The following CIDEB variants were observed in gnomAD, a reference collection of about 807,000 sequenced individuals.
The protein encoded by CIDEB is cell death inducing DFFA like effector b.
A neutral mutation model predicts 22.4 loss-of-function variants in CIDEB; 27 were observed. The ratio of observed to expected loss-of-function variants is 1.21; its 90% CI spans 0.89 to 1.66. The LOEUF is 1.66. Among genes scored for constraint, CIDEB ranks in the 40% most tolerant of loss-of-function variants. The pLI is 0.00. For missense variants in CIDEB, 289 were observed against 268.7 expected, an observed-to-expected ratio of 1.08 and a Z score of -0.53; for synonymous variants, 103 against 109.5, an observed-to-expected ratio of 0.94 and a Z score of 0.37.
At position 24,305,322 on chromosome 14, in the gene CIDEB, G is replaced by T; in HGVS notation, c.*311C>A. ...GGGGAGTTTAGGGACAGGAGGCATT[G>T]GTAGGGGATTAGATGTAGCAGCAGT... On this transcript the variant is annotated 3_prime_UTR_variant, in exon 5 of 5. Transcript: ENST00000554411. The T allele has an allele frequency of 1.8e-6, 1 of 560,322 alleles. No individual in the cohort carries two copies. The allele number at this position is 560,322 out of a possible 1,614,324, so 34.7% of individuals were successfully genotyped here.
chr14:24,305,663 C>T lies in CIDEB; in HGVS notation c.630G>A (p.Trp210Ter). Residue 210 changes from tryptophan (W) to a stop codon, truncating the protein, a stop_gained, in exon 5 of 5, where the codon TGG becomes TGA. Coordinates refer to ENST00000554411, the MANE Select transcript of CIDEB (RefSeq NM_001393339.1). LOFTEE classifies it high-confidence loss of function. ...AGGAATGGAGGCGGCCCTTCTGCTG[C>T]CACTGCTCAGCCCCCTCCACTGCAT... ...LRHAVEGAEQ[W>*]QQKGRLHSY 6.2e-7 allele frequency: 1 copy of T among 1,614,068 alleles called. No homozygotes were observed. The highest frequency in any genetic ancestry group is 8.5e-7 in the Non-Finnish European group (1 of 1,179,986).
upstream of CIDEB, chr14:24,310,709 C>T (rs775233136): frequency 3.7e-6 from 6 of 1,613,090 alleles, no homozygotes; most frequent in Non-Finnish European, 5.1e-6. Context: ...CACTGCTGAG[C>T]TGGAAGACTT....
chr14:24,307,262 A>T, intron 2 of CIDEB, 109 bp downstream of exon 2: 2 of 1,219,032 alleles, frequency 1.6e-6, no homozygotes, highest in South Asian at 2.9e-5. Context: ...CCTCAGAGGG[A>T]GGGGCAGCTG....
chr14:24,306,311 G>A (rs2041504998), intron 3 of CIDEB, 63 bp downstream of exon 3: 4 of 1,604,502 alleles, frequency 2.5e-6, no homozygotes, highest in African/African-American at 2.7e-5. Flanking sequence ...TTAAGCTAGA[G>A]AGGAAGCCCG....
At position 24,307,914 on chromosome 14, in the gene CIDEB, G is replaced by T. The variant is rs138916669; in HGVS notation, c.-56C>A. ...TCTGGGCTGGGTGGTTCTCTCCTGT[G>T]CTGGGGCTTTAGTGGTGTTTTCTGT... On this transcript the variant is annotated 5_prime_UTR_variant, in exon 1 of 5. Transcript: ENST00000554411. 6.8e-7 allele frequency: 1 copy of T among 1,476,482 alleles called. No individual in the cohort carries two copies. The highest frequency in any genetic ancestry group is 9.3e-7 in the Non-Finnish European group (1 of 1,076,384). 91.5% of individuals were successfully genotyped at this position (1,476,482 alleles called of 1,614,324 possible).
At chr14:24,311,023 G>C (rs2041679955), upstream of CIDEB, 1 of 1,583,754 alleles carries the variant, frequency 6.3e-7, no homozygotes, top group Non-Finnish European at 8.5e-7. Context: ...CTGCAGCGCT[G>C]CCTCGCAGTC....
upstream of CIDEB, chr14:24,310,651 G>A (rs2041662506): frequency 6.2e-7 from 1 of 1,614,094 alleles, no homozygotes; most frequent in Non-Finnish European, 8.5e-7. Context: ...CCACCCACCT[G>A]TAGGCCCAGA....
upstream of CIDEB, chr14:24,308,329 G>C (rs1288555807): frequency 1.4e-4 from 31 of 223,004 alleles, no homozygotes. Context: ...ACCCGGGGCA[G>C]AGTGTGGGGA....
Position 24,306,051 on chromosome 14 carries a change from T to G in CIDEB, c.423A>C (p.Gln141His). 1 of 1,614,166 alleles carries G rather than the reference T, an allele frequency of 6.2e-7. No individual in the cohort carries two copies. Among genetic ancestry groups the G allele is most frequent in the Non-Finnish European group, 8.5e-7 (1 of 1,180,018 alleles). The change falls in exon 4 of 5, where the codon CAA (glutamine) becomes CAC (histidine). Residue 141 changes from glutamine (Q) to histidine (H), a missense_variant. Coordinates refer to ENST00000554411, the MANE Select transcript of CIDEB (RefSeq NM_001393339.1). ...IARFTFDVYK[Q>H]NPRDLFGSLN... ...GGCTGCCAAAGAGGTCTCGAGGGTTTTGCTTGTACACGTCAAAGGTGAATC... is the reference window on the plus strand; with the variant it reads ...GGCTGCCAAAGAGGTCTCGAGGGTTGTGCTTGTACACGTCAAAGGTGAATC...
chr14:24,307,272 G>A (rs1594628617), intron 2 of CIDEB, 99 bp downstream of exon 2: 1 of 1,319,562 alleles, frequency 7.6e-7, no homozygotes, highest in Non-Finnish European at 1.1e-6. Flanking sequence ...AGGGGCAGCT[G>A]TGTGACTTCA....
chr14:24,306,522 G>A lies in CIDEB; in HGVS notation c.188C>T (p.Ala63Val). 8 of 1,614,224 alleles carry A rather than the reference G, an allele frequency of 5.0e-6. No homozygotes were observed. In the Middle Eastern group the frequency reaches 1.3e-3, roughly 266 times the overall value. ...AATRQELLAK[A>V]LETLLLNGVL... ...TCCATTCAGCAGTAGGGTCTCCAAT[G>A]CCTGCCCAATGGCAAGAAGCAAGAA... The change falls in exon 3 of 5, where the codon GCA becomes GTA. Residue 63 changes from alanine to valine, a missense_variant and splice_region_variant. Transcript: ENST00000554411.
Position 24,307,474 on chromosome 14 carries a change from C to G in CIDEB, c.83G>C (p.Trp28Ser). 6.2e-7 allele frequency: 1 copy of G among 1,614,130 alleles called. No homozygotes were observed. Among genetic ancestry groups the G allele is most frequent in the Non-Finnish European group, 8.5e-7 (1 of 1,180,016 alleles). Residue 28 changes from tryptophan to serine, a missense_variant, in exon 2 of 5, where the codon TGG (tryptophan) becomes TCG (serine). Trp to Ser is a radical substitution (Grantham distance 177). Transcript: ENST00000554411. ...NISSEFGRRVWTSAPPPQRPF... is the reference protein window; with the variant it reads ...NISSEFGRRVSTSAPPPQRPF... ...TCGCTGGGGTGGTGGAGCTGAGGTC[C>G]AGACCCTCCGTCCAAACTCCGAGCT...
upstream of CIDEB, chr14:24,311,244 T>C (rs1251093683): frequency 1.2e-6 from 2 of 1,607,676 alleles, no homozygotes; most frequent in Non-Finnish European, 1.7e-6. Context: ...CGTGCTTCCT[T>C]TCGGGCTGAT....
At chr14:24,306,848 C>T in intron 2 of CIDEB, 1 of 390,932 alleles carries the variant, frequency 2.6e-6, no homozygotes. Flanking sequence ...CAATGCTGCA[C>T]CTCACTTCCC....
chr14:24,311,375 G>A (rs1443337695), upstream of CIDEB: 5 of 1,603,678 alleles, frequency 3.1e-6, no homozygotes, highest in African/African-American at 1.3e-5. Context: ...GCTTGCTCTG[G>A]GCCCCCTACC....
rs2041496347 is a variant in CIDEB at position 24,306,086 on chromosome 14, C to G, written c.388G>C (p.Asp130His). The part of the protein sequence containing the change: ...LGRERPKHSK[D>H]IARFTFDVYK... Reference sequence around the variant, plus strand: ...ACGTCAAAGGTGAATCGGGCGATGTCCTTGCTGTGCTTGGGCCTCTCCCGT... The same window carrying G: ...ACGTCAAAGGTGAATCGGGCGATGTGCTTGCTGTGCTTGGGCCTCTCCCGT... Residue 130 changes from aspartate (D) to histidine (H), a missense_variant, in exon 4 of 5, where the codon GAC becomes CAC. Asp to His is a moderately conservative substitution (Grantham distance 81, BLOSUM62 -1). Transcript: ENST00000554411. The G allele has an allele frequency of 6.2e-7, 1 of 1,614,138 alleles. No homozygotes were observed. The highest frequency in any genetic ancestry group is 2.2e-5 in the East Asian group (1 of 44,882).
At position 24,307,969 on chromosome 14, in the gene CIDEB, G is replaced by T; in HGVS notation, c.-111C>A. The T allele has an allele frequency of 9.8e-7, 1 of 1,019,890 alleles. No homozygotes were observed. Among genetic ancestry groups the T allele is most frequent in the African/African-American group, 1.6e-5 (1 of 62,652 alleles). 63.2% of individuals were successfully genotyped at this position (1,019,890 alleles called of 1,614,324 possible). The stretch of plus-strand genomic sequence containing the variant: ...AACCTGGGATCTCAGCCCAGGACAA[G>T]GTGGGAATGAGTCAAGCCTGGACTC... On this transcript the variant is annotated 5_prime_UTR_variant, in exon 1 of 5. Coordinates refer to ENST00000554411, the MANE Select transcript of CIDEB (RefSeq NM_001393339.1).
chr14:24,311,364 G>T (rs775172650), upstream of CIDEB: 2 of 1,604,338 alleles, frequency 1.2e-6, no homozygotes, highest in Non-Finnish European at 1.7e-6. Flanking sequence ...GCTTGCCTTC[G>T]GCTTGCTCTG....
intron 3 of CIDEB, 48 bp from the exon 4 acceptor site, chr14:24,306,185 A>G: frequency 6.3e-7 from 1 of 1,582,496 alleles, no homozygotes; most frequent in South Asian, 1.1e-5. Flanking sequence ...CCAGACACCC[A>G]CCACTAATCT....
Sources: allele counts gnomAD v4.1 joint callset, GRCh38; gene constraint gnomAD v4.1.1; transcripts MANE v1.5; gene names NCBI Gene and HGNC (gene_info 2026-07-23, HGNC 2026-07-21).